The following CASTOR2 variants were observed in gnomAD, a reference collection of about 807,000 sequenced individuals.
The protein encoded by CASTOR2 is GATS protein like 2.
A neutral mutation model predicts 31.2 loss-of-function variants in CASTOR2; 8 were observed. The ratio of observed to expected loss-of-function variants is 0.26; its 90% CI spans 0.15 to 0.46. The LOEUF (loss-of-function observed/expected upper bound fraction) is 0.46. CASTOR2 is among the 20% of genes least tolerant of loss of function. CASTOR2 has a pLI of 0.99. For missense variants in CASTOR2, 216 were observed against 382.1 expected (o/e 0.57, Z 3.62); for synonymous variants, 162 against 158.7 (o/e 1.02, Z -0.16).
At chr7:74,981,565 C>G (rs1347977299) in intron 1 of CASTOR2, among the ~76,000 whole-genome samples, 2 of 145,260 alleles carry the variant, frequency 1.4e-5, no homozygotes, top group Non-Finnish European at 3.0e-5. Flanking sequence ...CCAGGCAGGC[C>G]CTCCTTGGCA....
chr7:74,977,994 T>C (rs1803862825), intron 1 of CASTOR2, among the ~76,000 whole-genome samples: 1 of 149,984 alleles, frequency 6.7e-6, no homozygotes. Flanking sequence ...GGAAAACTGG[T>C]GTCTAGGTGC....
At position 75,017,511 on chromosome 7, in the gene CASTOR2, A is replaced by G. The variant is rs1453706626; in HGVS notation, c.185-87A>G. On this transcript the variant is annotated intron_variant, in intron 2 of 8. Transcript: ENST00000616305. ...AGGGTGGAGCTGGCCCCAGAGCATC[A>G]CTCTCCACCTCTGGCCTGCCTTGCC... 224 of 1,475,988 alleles carry G rather than the reference A, an allele frequency of 1.5e-4. No individual in the cohort carries two copies. In the East Asian group the frequency reaches 4.8e-3, roughly 31 times the overall value. The allele number at this position is 1,475,988 out of a possible 1,614,324, so 91.4% of individuals were successfully genotyped here.
At position 75,022,297 on chromosome 7, in the gene CASTOR2, G is replaced by A. The variant is rs1020116446; in HGVS notation, c.829+341G>A. 5.6e-3 allele frequency among the ~76,000 whole-genome samples: 855 copies of A among 152,272 alleles called. 7 individuals are homozygous for A. The highest frequency in any genetic ancestry group is 0.019 in the African/African-American group (797 of 41,536). ...AGGTGGAAAGATCCATTGAGCCCAG[G>A]AGTTCTGTACCAGCCTGGGAAACAT... is the stretch of plus-strand genomic sequence containing the variant. On this transcript the variant is annotated intron_variant, in intron 7 of 8. Transcript: ENST00000616305.
At position 75,028,282 on chromosome 7, in the gene CASTOR2, G is replaced by A. The variant is rs1004254075; in HGVS notation, c.*3583G>A. Among the ~76,000 whole-genome samples the A allele has an allele frequency of 1.3e-5, 2 of 151,934 alleles. No homozygotes were observed. The highest frequency in any genetic ancestry group is 2.4e-5 in the African/African-American group (1 of 41,354). Reference sequence around the variant, plus strand: ...ATTACAGGCACTCACCACCACACGCGGCTAATTTTTGTATTTTTGGTAGAG... The same window carrying A: ...ATTACAGGCACTCACCACCACACGCAGCTAATTTTTGTATTTTTGGTAGAG... On this transcript the variant is annotated 3_prime_UTR_variant, in exon 9 of 9. Transcript: ENST00000616305.
chr7:74,991,160 A>G (rs1804202005), intron 1 of CASTOR2, among the ~76,000 whole-genome samples: 1 of 151,962 alleles, frequency 6.6e-6, no homozygotes, highest in African/African-American at 2.4e-5. Context: ...GGAAGGTGTG[A>G]GCATCTGTAG....
In CASTOR2 at chr7:75,024,792, A is replaced by G. The variant is rs1805083063; in HGVS notation, c.*93A>G. On this transcript the variant is annotated 3_prime_UTR_variant, in exon 9 of 9. Coordinates refer to ENST00000616305, the MANE Select transcript of CASTOR2 (RefSeq NM_001145064.3). ...GTATTTCTCTACAGACTGGAAAATCAGCCTGGGGACCCTGAGGAAGGGGCC... is the reference window on the plus strand; with the variant it reads ...GTATTTCTCTACAGACTGGAAAATCGGCCTGGGGACCCTGAGGAAGGGGCC... 8 of 1,550,646 alleles carry G rather than the reference A, an allele frequency of 5.2e-6. No homozygotes were observed. The highest frequency in any genetic ancestry group is 7.0e-6 in the Non-Finnish European group (8 of 1,146,792).
chr7:75,005,064 A>G (rs1187161369), intron 1 of CASTOR2, among the ~76,000 whole-genome samples: 2 of 143,972 alleles, frequency 1.4e-5, no homozygotes. Context: ...ACAGGGTTTC[A>G]CCATGTTGGC....
At chr7:75,018,373 C>G (rs1461099824) in intron 4 of CASTOR2, among the ~76,000 whole-genome samples, 5 of 152,156 alleles carry the variant, frequency 3.3e-5, no homozygotes, top group Non-Finnish European at 5.9e-5. Context: ...AACCCCGTCT[C>G]TACTAAAAAT....
intron 1 of CASTOR2, among the ~76,000 whole-genome samples, chr7:75,002,043 A>C (rs1804508985): frequency 6.6e-6 from 1 of 152,160 alleles, no homozygotes; most frequent in Non-Finnish European, 1.5e-5. Flanking sequence ...GATGAGGGAA[A>C]GGAAGTGGCT....
chr7:74,983,521 G>A (rs1433242654), intron 1 of CASTOR2, among the ~76,000 whole-genome samples: 14 of 149,310 alleles, frequency 9.4e-5, no homozygotes, highest in East Asian at 2.0e-4. Flanking sequence ...GGCTGTTCAC[G>A]GGAGGTTGAA....
intron 2 of CASTOR2, 112 bp from the exon 3 acceptor site, chr7:75,017,486 A>G: frequency 3.9e-6 from 5 of 1,278,820 alleles, no homozygotes; most frequent in Non-Finnish European, 4.4e-6. Flanking sequence ...GGCAAGGCAC[A>G]GGGTGGAGCT....
chr7:74,999,732 C>T (rs1804450025), intron 1 of CASTOR2, among the ~76,000 whole-genome samples: 1 of 150,844 alleles, frequency 6.6e-6, no homozygotes, highest in Non-Finnish European at 1.5e-5. Flanking sequence ...ATTCTCTCGC[C>T]CCAGCCTCCC....
intron 1 of CASTOR2, among the ~76,000 whole-genome samples, chr7:75,001,025 C>CAG (rs1344587074): frequency 6.6e-6 from 1 of 152,180 alleles, no homozygotes; most frequent in East Asian, 1.9e-4. Context: ...GTGACCTTGG[C>CAG]AGAGTCTGGC....
rs1299062324 is a variant in CASTOR2, at chr7:75,031,286, C to T, written c.*6587C>T. 3.9e-5 allele frequency among the ~76,000 whole-genome samples: 6 copies of T among 152,220 alleles called. No homozygotes were observed. Among genetic ancestry groups the T allele is most frequent in the East Asian group, 1.9e-4 (1 of 5,160 alleles). ...ACAACCCCCTCCAACCCTCACCTGG[C>T]GTGCCCGGGTCACCAGCAGCAGCAG... On this transcript the variant is annotated 3_prime_UTR_variant, in exon 9 of 9. Transcript: ENST00000616305.
In CASTOR2 at chr7:75,017,487, G is replaced by A. The variant is rs1804892262; in HGVS notation, c.185-111G>A. Reference sequence around the variant, plus strand: ...CTGTTGGAAAGTGAGGCAAGGCACAGGGTGGAGCTGGCCCCAGAGCATCAC... The same window carrying A: ...CTGTTGGAAAGTGAGGCAAGGCACAAGGTGGAGCTGGCCCCAGAGCATCAC... On this transcript the variant is annotated intron_variant, in intron 2 of 8. Transcript: ENST00000616305. 3 of 1,293,536 alleles carry A rather than the reference G, an allele frequency of 2.3e-6. No homozygotes were observed. The African/African-American group carries it at 4.4e-5, about 19-fold the overall frequency. The allele number at this position is 1,293,536 out of a possible 1,614,324, so 80.1% of individuals were successfully genotyped here.
chr7:74,988,932 G>A (rs1304700813), intron 1 of CASTOR2, among the ~76,000 whole-genome samples: 1 of 150,594 alleles, frequency 6.6e-6, no homozygotes, highest in African/African-American at 2.4e-5. Context: ...AGAATATTAG[G>A]GCATTCAGCC....
intron 6 of CASTOR2, among the ~76,000 whole-genome samples, chr7:75,020,656 A>G (rs1275064411): frequency 1.3e-5 from 2 of 150,700 alleles, no homozygotes; most frequent in Non-Finnish European, 3.0e-5. Context: ...CGCCTGGCTA[A>G]TTTTTTGTAT....
chr7:75,022,047 TG>T, intron 7 of CASTOR2, 91 bp downstream of exon 7: 19 of 1,455,108 alleles, frequency 1.3e-5, no homozygotes, highest in East Asian at 2.5e-5. Context: ...CGGCCCCTGC[TG>T]GGGGGTACAG....
intron 7 of CASTOR2, among the ~76,000 whole-genome samples, chr7:75,022,589 G>T (rs1450535720): frequency 7.9e-6 from 1 of 126,834 alleles, no homozygotes; most frequent in Non-Finnish European, 1.7e-5. Flanking sequence ...GATCACCTGA[G>T]GTCAGGAGTA....
Sources: gnomAD v4.1 joint callset for allele counts (sites outside exome capture counted in the v4.1 genomes callset) on GRCh38, gnomAD v4.1.1 for gene constraint, MANE v1.5 for transcripts, NCBI Gene and HGNC (gene_info 2026-07-23, HGNC 2026-07-21) for gene names.